The following PRAG1 variants were observed in gnomAD, a reference collection of about 807,000 sequenced individuals.
PRAG1 encodes inactive tyrosine-protein kinase PRAG1.
In PRAG1, 110 loss-of-function variants were observed where a neutral mutation model predicts 95.6. The ratio of observed to expected loss-of-function variants is 1.15; its 90% CI spans 0.99 to 1.35. The LOEUF is 1.35. Among genes scored for constraint, PRAG1 ranks in the 40% most tolerant of loss-of-function variants. PRAG1 has a pLI of 0.00. For missense variants in PRAG1, 2,554 were observed against 1,864.7 expected (o/e 1.37, Z -6.81); for synonymous variants, 1,052 against 819.4 (o/e 1.28, Z -4.85).
chr8:8,363,433 G>C (rs898812281), intron 3 of PRAG1, among the ~76,000 whole-genome samples: 13 of 152,170 alleles, frequency 8.5e-5, no homozygotes, highest in Admixed American at 4.6e-4. Flanking sequence ...GATGAAACTT[G>C]AGAACATTAT....
chr8:8,345,452 T>C (rs1274694926), intron 3 of PRAG1, among the ~76,000 whole-genome samples: 1 of 151,592 alleles, frequency 6.6e-6, no homozygotes, highest in African/African-American at 2.4e-5. Flanking sequence ...AATGGGGATA[T>C]AACAGGTCTT....
chr8:8,377,987 T>A lies in PRAG1; in HGVS notation c.422A>T (p.Lys141Met). 1 of 1,611,894 alleles carries A rather than the reference T, an allele frequency of 6.2e-7. No individual in the cohort carries two copies. The highest frequency in any genetic ancestry group is 8.5e-7 in the Non-Finnish European group (1 of 1,179,022). ...AGGGGAGGTAGAGGGACCAGCAGGC[T>A]TCTGTACACCTCGGAAGCTGCCCAG... Reference protein sequence around the residue: ...VYLGSFRGVQKPAGPSTSPDG... With the variant: ...VYLGSFRGVQMPAGPSTSPDG... The change falls in exon 3 of 6, where the codon AAG becomes ATG. Residue 141 changes from lysine (K) to methionine (M), a missense_variant. Transcript: ENST00000615670.
chr8:8,318,961 C>G lies in PRAG1; in HGVS notation c.3414G>C (p.Glu1138Asp), dbSNP rs530743738. The change falls in exon 6 of 6, where the codon GAG becomes GAC. Residue 1138 changes from glutamate (E) to aspartate (D), a missense_variant. Glu to Asp is a conservative substitution (Grantham distance 45, BLOSUM62 2). Coordinates refer to ENST00000615670, the MANE Select transcript of PRAG1 (RefSeq NM_001080826.3). This position sits in a 1 kb window ranked among gnomAD's most constrained non-coding sequence, Gnocchi z 4.2. ...QLCNGLEHLKEHGIIHRDLCL... is the reference protein window; with the variant it reads ...QLCNGLEHLKDHGIIHRDLCL... ...ACAGGTCCCGGTGGATGATCCCGTG[C>G]TCCTTCAGGTGCTCCAGCCCGTTGC... is the stretch of plus-strand genomic sequence containing the variant. 6 of 1,613,158 alleles carry G rather than the reference C, an allele frequency of 3.7e-6. No homozygotes were observed. In the African/African-American group the frequency reaches 6.7e-5, roughly 18 times the overall value.
intron 2 of PRAG1, among the ~76,000 whole-genome samples, chr8:8,378,632 G>T (rs769848357): frequency 3.3e-5 from 5 of 152,106 alleles, no homozygotes; most frequent in Non-Finnish European, 7.4e-5. Flanking sequence ...GGCCGAGGAG[G>T]GCAGATTGCT....
chr8:8,321,551 A>G (rs997645817), intron 5 of PRAG1, among the ~76,000 whole-genome samples: 6 of 152,212 alleles, frequency 3.9e-5, no homozygotes, highest in Non-Finnish European at 7.3e-5. Context: ...CTAACAGATT[A>G]CAGACTGGGC....
intron 3 of PRAG1, among the ~76,000 whole-genome samples, chr8:8,353,365 C>T (rs1799585796): frequency 6.6e-6 from 1 of 151,766 alleles, no homozygotes; most frequent in South Asian, 2.1e-4. Context: ...TTGTTTCCAA[C>T]CACAACAGTG....
chr8:8,337,268 CT>C (rs1266112638), intron 4 of PRAG1, among the ~76,000 whole-genome samples: 2 of 152,114 alleles, frequency 1.3e-5, no homozygotes, highest in African/African-American at 4.8e-5. Flanking sequence ...CAAACAGTAA[CT>C]AAAGTTGCAA....
chr8:8,372,845 G>A (rs2921010), intron 3 of PRAG1, among the ~76,000 whole-genome samples: 29,664 of 152,084 alleles, frequency 0.2, 3,442 homozygotes, highest in Middle Eastern at 0.33. Context: ...AGAACAACAG[G>A]CAAAAGAGAA....
At chr8:8,326,564 A>G (rs897246268) in intron 5 of PRAG1, among the ~76,000 whole-genome samples, 1 of 152,178 alleles carries the variant, frequency 6.6e-6, no homozygotes, top group Non-Finnish European at 1.5e-5. Flanking sequence ...TTCATGGTAG[A>G]GACTCCAGTG....
intron 3 of PRAG1, among the ~76,000 whole-genome samples, chr8:8,363,193 G>C (rs905678186): frequency 6.6e-6 from 1 of 151,480 alleles, no homozygotes; most frequent in Admixed American, 6.6e-5. Flanking sequence ...GTCTTTAAGA[G>C]AAACTATTAC....
chr8:8,333,294 G>A (rs949634715), intron 4 of PRAG1, among the ~76,000 whole-genome samples: 2 of 152,102 alleles, frequency 1.3e-5, no homozygotes, highest in Non-Finnish European at 1.5e-5. Flanking sequence ...GTTTTCCTTC[G>A]AATTTCCAAT....
intron 2 of PRAG1, among the ~76,000 whole-genome samples, chr8:8,378,538 C>A (rs1054473190): frequency 2.6e-5 from 4 of 151,988 alleles, no homozygotes; most frequent in African/African-American, 7.3e-5. Context: ...CTGAAGAAAT[C>A]GAAGTCTTAA....
At chr8:8,348,518 C>T (rs905391494) in intron 3 of PRAG1, among the ~76,000 whole-genome samples, 2 of 152,124 alleles carry the variant, frequency 1.3e-5, no homozygotes, top group African/African-American at 4.8e-5. Context: ...TAACATACTG[C>T]TATTTCCCCT....
chr8:8,322,694 G>A (rs1424004679), intron 5 of PRAG1, among the ~76,000 whole-genome samples: 1 of 152,136 alleles, frequency 6.6e-6, no homozygotes, highest in East Asian at 1.9e-4. Flanking sequence ...CTACCTGGAG[G>A]CTTCGTCTGC....
intron 3 of PRAG1, among the ~76,000 whole-genome samples, chr8:8,359,878 G>C (rs924999267): frequency 6.6e-6 from 1 of 151,982 alleles, no homozygotes; most frequent in Admixed American, 6.6e-5. Context: ...CTAACAAATT[G>C]GTTCCTGCTT....
At chr8:8,384,622 A>C (rs1225531705) in intron 1 of PRAG1, among the ~76,000 whole-genome samples, 2 of 151,904 alleles carry the variant, frequency 1.3e-5, no homozygotes, top group East Asian at 1.9e-4. Flanking sequence ...AAAAAAAAAA[A>C]AAAAAAAAAA....
At chr8:8,319,445 GA>G in intron 5 of PRAG1, 143 bp from the exon 6 acceptor site, 2 of 528,580 alleles carry the variant, frequency 3.8e-6, no homozygotes, top group Non-Finnish European at 5.9e-6. Flanking sequence ...CATGCTAGAA[GA>G]AAACATGGGA....
In PRAG1 at chr8:8,327,862, A is replaced by G; in HGVS notation, c.2920T>C (p.Phe974Leu). 6.2e-7 allele frequency: 1 copy of G among 1,614,192 alleles called. No homozygotes were observed. Among genetic ancestry groups the G allele is most frequent in the East Asian group, 2.2e-5 (1 of 44,874 alleles). The change falls in exon 5 of 6, where the codon TTC (phenylalanine) becomes CTC (leucine). Residue 974 changes from phenylalanine to leucine, a missense_variant. Coordinates refer to ENST00000615670, the MANE Select transcript of PRAG1 (RefSeq NM_001080826.3). The stretch of plus-strand genomic sequence containing the variant: ...AGCTCCTTTTTCTGGCCGCCCATGA[A>G]GAGGTCCTCACATTTGGCTACAAGG... ...ARLVAKCEDL[F>L]MGGQKKELHF... is the part of the protein sequence containing the mutation.
intron 3 of PRAG1, among the ~76,000 whole-genome samples, chr8:8,361,929 C>T (rs1214646250): frequency 2.6e-5 from 4 of 152,208 alleles, no homozygotes; most frequent in Non-Finnish European, 2.9e-5. Flanking sequence ...CATCTTTCTT[C>T]GCTCCCAATT....
Sources: gnomAD v4.1 joint callset for allele counts (sites outside exome capture counted in the v4.1 genomes callset) on GRCh38, gnomAD v4.1.1 for gene constraint, Gnocchi (gnomAD v3.1) non-coding constraint, MANE v1.5 for transcripts, NCBI Gene and HGNC (gene_info 2026-07-23, HGNC 2026-07-21) for gene names.